The following LDB2 variants were observed in gnomAD, a reference collection of about 807,000 sequenced individuals.
LDB2 encodes LIM domain-binding protein 2.
LDB2 carries 12 observed loss-of-function variants against 44.3 expected under a neutral mutation model. That is an observed-to-expected ratio of 0.27 (90% CI 0.17 to 0.44). LDB2 has a LOEUF of 0.44. Ranked by LOEUF, LDB2 falls within the 20% of genes least tolerant of loss-of-function variation. The pLI is 1.00. For missense variants in LDB2, 344 were observed against 473.5 expected, an observed-to-expected ratio of 0.73 and a Z score of 2.54; for synonymous variants, 164 against 174.8, an observed-to-expected ratio of 0.94 and a Z score of 0.49.
intron 5 of LDB2, among the ~76,000 whole-genome samples, chr4:16,516,438 G>A (rs1560332957): frequency 6.6e-6 from 1 of 152,184 alleles, no homozygotes; most frequent in Non-Finnish European, 1.5e-5. Flanking sequence ...CAAGCATTCT[G>A]CTCGGTGCTG....
chr4:16,846,555 G>C (rs1787048299), intron 1 of LDB2, among the ~76,000 whole-genome samples: 2 of 152,108 alleles, frequency 1.3e-5, no homozygotes, highest in Admixed American at 1.3e-4. Flanking sequence ...GTTACCTTCT[G>C]TAGTAGTTTG....
At chr4:16,540,705 A>G (rs749916634) in intron 5 of LDB2, among the ~76,000 whole-genome samples, 5 of 152,138 alleles carry the variant, frequency 3.3e-5, no homozygotes, top group Non-Finnish European at 7.3e-5. Flanking sequence ...AATATGCATA[A>G]CTGGATTTTA....
intron 5 of LDB2, among the ~76,000 whole-genome samples, chr4:16,553,544 G>GTTGT (rs759162982): frequency 2.6e-5 from 4 of 152,076 alleles, no homozygotes; most frequent in Admixed American, 1.3e-4. Flanking sequence ...GTTGTTGTTT[G>GTTGT]TTGTTTGTTT....
At chr4:16,848,485 GCT>G (rs1787536844) in intron 1 of LDB2, among the ~76,000 whole-genome samples, 2 of 152,204 alleles carry the variant, frequency 1.3e-5, no homozygotes, top group Non-Finnish European at 2.9e-5. Flanking sequence ...ATGAATAGAA[GCT>G]GCAGGAAGGC....
chr4:16,876,919 T>TC (rs1554059869), intron 1 of LDB2, among the ~76,000 whole-genome samples: 2,085 of 146,366 alleles, frequency 0.014, 24 homozygotes, highest in Middle Eastern at 0.07. Context: ...TTTTTTTTTT[T>TC]CCTTAGAGAC....
At chr4:16,519,339 A>C (rs940033158) in intron 5 of LDB2, among the ~76,000 whole-genome samples, 1 of 151,924 alleles carries the variant, frequency 6.6e-6, no homozygotes, top group African/African-American at 2.4e-5. Context: ...CTAGTGATAA[A>C]GAATGTGGTT....
At chr4:16,587,681 C>T (rs1195233445) in intron 4 of LDB2, among the ~76,000 whole-genome samples, 7 of 152,018 alleles carry the variant, frequency 4.6e-5, no homozygotes, top group South Asian at 4.1e-4. Flanking sequence ...ACAACTAATG[C>T]GTGGAGAAAT....
At chr4:16,506,116 T>C in intron 7 of LDB2, 1 of 847,634 alleles carries the variant, frequency 1.2e-6, no homozygotes, top group Non-Finnish European at 1.8e-6. Context: ...AGACAGTGGA[T>C]GCCTGCAGGT....
chr4:16,502,357 C>A lies in LDB2; in HGVS notation c.*286G>T, dbSNP rs1404348782. 1 of 389,294 alleles carries A rather than the reference C, an allele frequency of 2.6e-6. No homozygotes were observed. Among genetic ancestry groups the A allele is most frequent in the Non-Finnish European group, 4.7e-6 (1 of 213,660 alleles). The allele number at this position is 389,294 out of a possible 1,614,324, so 24.1% of individuals were successfully genotyped here. ...TTCAACACAAACACGTTGTTAAAAC[C>A]GTGCCAGAAGATGCGCTAGAGTTTT... On this transcript the variant is annotated 3_prime_UTR_variant, in exon 8 of 8. Coordinates refer to ENST00000304523, the MANE Select transcript of LDB2 (RefSeq NM_001290.5).
intron 2 of LDB2, among the ~76,000 whole-genome samples, chr4:16,598,725 T>C (rs762714735): frequency 1.4e-4 from 21 of 152,190 alleles, no homozygotes; most frequent in Non-Finnish European, 5.9e-5. Context: ...CATGGAAATA[T>C]AGGAGCCTGA....
intron 2 of LDB2, among the ~76,000 whole-genome samples, chr4:16,643,021 T>C (rs1735635716): frequency 6.6e-6 from 1 of 152,236 alleles, no homozygotes; most frequent in South Asian, 2.1e-4. Context: ...GTATGATGCC[T>C]GGCAGAGCCA....
At chr4:16,570,528 G>A (rs1577847959) in intron 5 of LDB2, among the ~76,000 whole-genome samples, 2 of 137,708 alleles carry the variant, frequency 1.5e-5, no homozygotes, top group Admixed American at 8.1e-5. Context: ...TGATAGCCAC[G>A]GGAGGCAGAG....
chr4:16,829,461 G>A (rs887436904), intron 1 of LDB2, among the ~76,000 whole-genome samples: 1 of 152,166 alleles, frequency 6.6e-6, no homozygotes, highest in African/African-American at 2.4e-5. Flanking sequence ...TTAAAACCGT[G>A]TGTCTATATG....
At chr4:16,611,022 A>G (rs937335991) in intron 2 of LDB2, among the ~76,000 whole-genome samples, 1 of 152,194 alleles carries the variant, frequency 6.6e-6, no homozygotes, top group African/African-American at 2.4e-5. Flanking sequence ...ACGTCTCAGC[A>G]GAAACTCTAC....
chr4:16,839,730 A>T (rs1462509642), intron 1 of LDB2, among the ~76,000 whole-genome samples: 2 of 152,210 alleles, frequency 1.3e-5, no homozygotes, highest in Non-Finnish European at 2.9e-5. Flanking sequence ...GTCTTAAACT[A>T]AAAAAGATAC....
chr4:16,580,952 A>T lies in LDB2; in HGVS notation c.615+4970T>A, dbSNP rs919433452. On this transcript the variant is annotated intron_variant, in intron 5 of 7. Coordinates refer to ENST00000304523, the MANE Select transcript of LDB2 (RefSeq NM_001290.5). ...TATTTAAAGAAAACATGGTTGTTGC[A>T]TACAGTAAACATTCACATGCAAGAA... Among the ~76,000 whole-genome samples the T allele has an allele frequency of 2.6e-5, 4 of 152,348 alleles. No individual in the cohort carries two copies. The South Asian group carries it at 8.3e-4, about 32-fold the overall frequency.
At chr4:16,652,778 G>A (rs971441243) in intron 2 of LDB2, among the ~76,000 whole-genome samples, 10 of 152,200 alleles carry the variant, frequency 6.6e-5, no homozygotes, top group African/African-American at 2.2e-4. Flanking sequence ...CTTCACGGCA[G>A]TTGATTATAT....
At chr4:16,736,570 G>A (rs1761953959) in intron 2 of LDB2, among the ~76,000 whole-genome samples, 1 of 152,160 alleles carries the variant, frequency 6.6e-6, no homozygotes, top group African/African-American at 2.4e-5. Context: ...TTTAGTACAG[G>A]AAATCCAGGG....
intron 5 of LDB2, among the ~76,000 whole-genome samples, chr4:16,514,786 C>T (rs1313782560): frequency 6.6e-6 from 1 of 152,156 alleles, no homozygotes; most frequent in African/African-American, 2.4e-5. Flanking sequence ...ATCTTGCTTA[C>T]TTTGATGTCC....
Sources: gnomAD v4.1 joint callset for allele counts (sites outside exome capture counted in the v4.1 genomes callset) on GRCh38, gnomAD v4.1.1 for gene constraint, MANE v1.5 for transcripts, NCBI Gene and HGNC (gene_info 2026-07-23, HGNC 2026-07-21) for gene names.